Variants in PREPL observed in about 807,000 individuals in gnomAD.
PREPL encodes prolyl endopeptidase like.
In PREPL, 77 loss-of-function variants were observed where a neutral mutation model predicts 70.6. That is an observed-to-expected ratio of 1.09 (90% CI 0.91 to 1.32). PREPL has a LOEUF of 1.32. PREPL is among the 40% of genes most tolerant of loss of function. The pLI is 0.00. For missense variants in PREPL, 1,002 were observed against 778.2 expected, an observed-to-expected ratio of 1.29 and a Z score of -3.42; for synonymous variants, 315 against 264.8, an observed-to-expected ratio of 1.19 and a Z score of -1.84.
chr2:44,320,362 T>C lies in PREPL; in HGVS notation c.*994A>G. Reference sequence around the variant, plus strand: ...CTGGATGGCATCGACAGAATCTTTATCGTGGTTCTGAATTTTGGAGAATCA... The same window carrying C: ...CTGGATGGCATCGACAGAATCTTTACCGTGGTTCTGAATTTTGGAGAATCA... On this transcript the variant is annotated 3_prime_UTR_variant, in exon 14 of 14. Transcript: ENST00000409411. The C allele has an allele frequency of 6.2e-7, 1 of 1,614,134 alleles. No homozygotes were observed. Among genetic ancestry groups the C allele is most frequent in the South Asian group, 1.1e-5 (1 of 91,080 alleles).
chr2:44,351,908 A>G (rs1431557309), intron 1 of PREPL, among the ~76,000 whole-genome samples: 1 of 152,194 alleles, frequency 6.6e-6, no homozygotes, highest in Admixed American at 6.5e-5. Context: ...GGAAAAGCAA[A>G]AATTCTTACA....
rs1558496012 is a variant in PREPL, at chr2:44,332,722, T to G, written c.889-66A>C. The G allele has an allele frequency of 6.9e-6, 9 of 1,305,654 alleles. No homozygotes were observed. The East Asian group carries it at 1.2e-4, about 18-fold the overall frequency. The allele number at this position is 1,305,654 out of a possible 1,614,324, so 80.9% of individuals were successfully genotyped here. ...CACCAAGTATCATTAATTAAATTTCTAAGTCTTCTCCAAACAAGATGATGT... is the reference window on the plus strand; with the variant it reads ...CACCAAGTATCATTAATTAAATTTCGAAGTCTTCTCCAAACAAGATGATGT... On this transcript the variant is annotated intron_variant, in intron 7 of 13. Transcript: ENST00000409411.
At chr2:44,361,691 G>A, upstream of PREPL, 1 of 333,016 alleles carries the variant, frequency 3.0e-6, no homozygotes, top group Non-Finnish European at 5.4e-6. Flanking sequence ...CTAGTCTTCT[G>A]AGCTCGAGAT....
rs200592320 is a variant in PREPL at position 44,320,407 on chromosome 2, A to G, written c.*949T>C. 3.0e-5 allele frequency: 49 copies of G among 1,614,070 alleles called. No individual in the cohort carries two copies. The East Asian group carries it at 9.8e-4, about 32-fold the overall frequency. The stretch of plus-strand genomic sequence containing the variant: ...GAATCAACACTGTTAAATCTACATA[A>G]TATGATTTCGGGCCTTCCCGCTAAA... On this transcript the variant is annotated 3_prime_UTR_variant, in exon 14 of 14. Coordinates refer to ENST00000409411, the MANE Select transcript of PREPL (RefSeq NM_001171613.2).
Position 44,346,152 on chromosome 2 carries a change from A to T in PREPL, c.75+116T>A. On this transcript the variant is annotated intron_variant, in intron 2 of 13. Transcript: ENST00000409411. ...TTTTTAAGTTTTTCAGCATATTTTAAAGGCCAAAAGCAGTATAATCTTGAT... is the reference window on the plus strand; with the variant it reads ...TTTTTAAGTTTTTCAGCATATTTTATAGGCCAAAAGCAGTATAATCTTGAT... 4 of 937,410 alleles carry T rather than the reference A, an allele frequency of 4.3e-6. No individual in the cohort carries two copies. In the South Asian group the frequency reaches 5.6e-5, roughly 13 times the overall value. 58.1% of individuals were successfully genotyped at this position (937,410 alleles called of 1,614,324 possible).
At chr2:44,322,964 G>T in intron 11 of PREPL, 110 bp from the exon 12 acceptor site, 2 of 1,403,356 alleles carry the variant, frequency 1.4e-6, no homozygotes, top group Non-Finnish European at 9.7e-7. Flanking sequence ...AGTGCTCTAT[G>T]CTTTTTCTCA....
intron 4 of PREPL, 89 bp downstream of exon 4, chr2:44,343,656 T>C: frequency 5.9e-6 from 7 of 1,178,116 alleles, no homozygotes; most frequent in Non-Finnish European, 7.5e-6. Context: ...GGCATTCACC[T>C]TCTCCCTCCC....
At chr2:44,329,686 G>C (rs771916814) in intron 8 of PREPL, among the ~76,000 whole-genome samples, 1 of 152,022 alleles carries the variant, frequency 6.6e-6, no homozygotes, top group Non-Finnish European at 1.5e-5. Context: ...ATTTAAAGTG[G>C]TCTTAAAATT....
upstream of PREPL, chr2:44,361,765 C>T (rs1202927235): frequency 3.5e-6 from 2 of 566,126 alleles, no homozygotes; most frequent in Non-Finnish European, 5.5e-6. Flanking sequence ...GCTCTCTCAT[C>T]CTCTGGTCCG....
chr2:44,337,184 T>G (rs1345221858), intron 7 of PREPL, among the ~76,000 whole-genome samples: 1 of 152,222 alleles, frequency 6.6e-6, no homozygotes. Flanking sequence ...GCATACAGCT[T>G]CATTTGATGG....
At chr2:44,340,730 C>T (rs1467081981) in intron 5 of PREPL, among the ~76,000 whole-genome samples, 5 of 152,050 alleles carry the variant, frequency 3.3e-5, no homozygotes. Context: ...GAGTTCAAGA[C>T]CACCCTGGCC....
intron 4 of PREPL, among the ~76,000 whole-genome samples, chr2:44,343,083 T>G (rs540372566): frequency 2.0e-5 from 3 of 152,218 alleles, no homozygotes; most frequent in Non-Finnish European, 4.4e-5. Context: ...TTGTAAGTCA[T>G]CATTGTATAA....
At position 44,328,926 on chromosome 2, in the gene PREPL, T is replaced by C. The variant is rs1414410068; in HGVS notation, c.1262+11A>G. 4 of 1,608,152 alleles carry C rather than the reference T, an allele frequency of 2.5e-6. No individual in the cohort carries two copies. Among genetic ancestry groups the C allele is most frequent in the Admixed American group, 3.4e-5 (2 of 59,170 alleles). On this transcript the variant is annotated intron_variant, in intron 9 of 13. Transcript: ENST00000409411. Reference sequence around the variant, plus strand: ...TAGCACTTACATGCCAGGTAAAATATACTGACTCACCGAACATGGCAGTAT... The same window carrying C: ...TAGCACTTACATGCCAGGTAAAATACACTGACTCACCGAACATGGCAGTAT...
At chr2:44,330,678 T>C (rs536597642) in intron 8 of PREPL, among the ~76,000 whole-genome samples, 1 of 152,176 alleles carries the variant, frequency 6.6e-6, no homozygotes, top group Admixed American at 6.5e-5. Flanking sequence ...TTCCTAAGAA[T>C]AAAAGGCTTG....
intron 6 of PREPL, among the ~76,000 whole-genome samples, 161 bp downstream of exon 6, chr2:44,338,986 T>C (rs891643872): frequency 1.3e-5 from 2 of 152,226 alleles, no homozygotes; most frequent in African/African-American, 4.8e-5. Flanking sequence ...AATTAAAATA[T>C]GTAGAGGCAT....
rs1012657454 is a variant in PREPL at position 44,329,234 on chromosome 2, C to T, written c.1087-122G>A. 10 of 751,166 alleles carry T rather than the reference C, an allele frequency of 1.3e-5. No homozygotes were observed. In the African/African-American group the frequency reaches 1.8e-4, roughly 13 times the overall value. 46.5% of individuals were successfully genotyped at this position (751,166 alleles called of 1,614,324 possible). A position where few individuals can be genotyped will look rare whatever the true frequency, so the allele number is the denominator to read the frequency against. On this transcript the variant is annotated intron_variant, in intron 8 of 13. Coordinates refer to ENST00000409411, the MANE Select transcript of PREPL (RefSeq NM_001171613.2). ...GTGTGCTACCTACTGATGTTGAGCA[C>T]AAATTTGTTTAAGAAAAAGAATTAT...
chr2:44,320,300 G>C lies in PREPL; in HGVS notation c.*1056C>G. The C allele has an allele frequency of 1.2e-6, 2 of 1,614,106 alleles. No homozygotes were observed. Among genetic ancestry groups the C allele is most frequent in the Admixed American group, 1.7e-5 (1 of 60,018 alleles). On this transcript the variant is annotated 3_prime_UTR_variant, in exon 14 of 14. Transcript: ENST00000409411. ...TCAACAGGGGCTGGTTTTGCCATTTGAGGAATGACAGCCACTATGTTGTGT... is the reference window on the plus strand; with the variant it reads ...TCAACAGGGGCTGGTTTTGCCATTTCAGGAATGACAGCCACTATGTTGTGT...
At chr2:44,359,804 G>A (rs373066871) in intron 1 of PREPL, 14 of 883,786 alleles carry the variant, frequency 1.6e-5, no homozygotes, top group African/African-American at 1.5e-4. Flanking sequence ...TGGGTTCTCA[G>A]AGTAACTAAG....
intron 7 of PREPL, among the ~76,000 whole-genome samples, chr2:44,337,867 G>T (rs1431227954): frequency 6.6e-6 from 1 of 152,168 alleles, no homozygotes; most frequent in African/African-American, 2.4e-5. Flanking sequence ...ACCAAAGTTT[G>T]TTCCCTGCAT....
Sources: allele counts gnomAD v4.1 joint callset (sites outside exome capture counted in the v4.1 genomes callset), GRCh38; gene constraint gnomAD v4.1.1; transcripts MANE v1.5; gene names NCBI Gene and HGNC (gene_info 2026-07-23, HGNC 2026-07-21).